POLR1C: variants seen among roughly 807,000 people sequenced by gnomAD.
POLR1C encodes RNA polymerase I and III subunit C, also known as DNA-directed RNA polymerases I and III subunit RPAC1.
A neutral mutation model predicts 38.3 loss-of-function variants in POLR1C; 42 were observed. The ratio of observed to expected loss-of-function variants is 1.10; its 90% CI spans 0.86 to 1.42. The LOEUF is 1.42. Ranked by LOEUF, POLR1C falls within the 40% of genes most tolerant of loss-of-function variation. POLR1C has a pLI of 0.00. For synonymous variants in POLR1C, 163 were observed against 163.9 expected, an observed-to-expected ratio of 0.99 and a Z score of 0.04; for missense variants, 507 against 450.5, an observed-to-expected ratio of 1.13 and a Z score of -1.14.
chr6:43,519,645 C>A, intron 3 of POLR1C, 61 bp from the exon 4 acceptor site: 1 of 1,612,326 alleles, frequency 6.2e-7, no homozygotes. Context: ...GTTGGGGTTA[C>A]GGGGATAGGT....
intron 10 of POLR1C, chr6:43,554,989 T>C (rs998878447): frequency 6.7e-6 from 1 of 149,860 alleles, no homozygotes; most frequent in Non-Finnish European, 1.5e-5. Context: ...TTGCCCAGGC[T>C]GGAGTACAAT....
At chr6:43,521,557 CTG>C (rs1433620512), downstream of POLR1C, 1 of 977,596 alleles carries the variant, frequency 1.0e-6, no homozygotes, top group Non-Finnish European at 1.3e-6. Flanking sequence ...GACAGTCTCA[CTG>C]TGTTGCCCAG....
At chr6:43,547,533 G>T in intron 9 of POLR1C, 1 of 1,396,484 alleles carries the variant, frequency 7.2e-7, no homozygotes, top group South Asian at 1.2e-5. Context: ...ACAAATCTAT[G>T]AGAAACTTGA....
At chr6:43,521,160 A>T in intron 8 of POLR1C, 22 bp from the exon 9 acceptor site, 1 of 1,613,172 alleles carries the variant, frequency 6.2e-7, no homozygotes, top group Non-Finnish European at 8.5e-7. Flanking sequence ...TGCCTAGACT[A>T]AAGTGTCTCT....
chr6:43,535,731 G>A lies in POLR1C; in HGVS notation c.*4+6372G>A, dbSNP rs189930727. 9.8e-3 allele frequency among the ~76,000 whole-genome samples: 1,470 copies of A among 150,676 alleles called. 8 individuals are homozygous for A. The highest frequency in any genetic ancestry group is 0.015 in the Admixed American group (234 of 15,102). On this transcript the variant is annotated intron_variant, in intron 9 of 10. Transcript: ENST00000607635. Reference sequence around the variant, plus strand: ...CGGAAGGCTGAGGTGGGAGAATGGCGTGAACCCGGGAGGCGGAGCTTGCAA... The same window carrying A: ...CGGAAGGCTGAGGTGGGAGAATGGCATGAACCCGGGAGGCGGAGCTTGCAA...
chr6:43,539,572 C>T lies in POLR1C; in HGVS notation c.*4+10213C>T, dbSNP rs913073107. 5.2e-6 allele frequency: 7 copies of T among 1,355,062 alleles called. No individual in the cohort carries two copies. The African/African-American group carries it at 9.9e-5, about 19-fold the overall frequency. 83.9% of individuals were successfully genotyped at this position (1,355,062 alleles called of 1,614,324 possible). On this transcript the variant is annotated intron_variant, in intron 9 of 10. Transcript: ENST00000607635. ...CTCCGCGAGCTCCGCGGCCTCAGCC[C>T]CGGCCCGGTCCACGGCTGCGACCCC...
At chr6:43,538,755 G>T in intron 9 of POLR1C, 1 of 578,542 alleles carries the variant, frequency 1.7e-6, no homozygotes, top group Non-Finnish European at 2.9e-6. Flanking sequence ...AATGAGTTAT[G>T]GAGCACTACA....
At chr6:43,542,545 G>C (rs535799599) in intron 9 of POLR1C, among the ~76,000 whole-genome samples, 56 of 152,180 alleles carry the variant, frequency 3.7e-4, no homozygotes, top group African/African-American at 1.1e-3. Flanking sequence ...GAGTAGCTGG[G>C]ATTACAGGCA....
chr6:43,544,875 T>G (rs1794887981), intron 9 of POLR1C, among the ~76,000 whole-genome samples: 2 of 152,116 alleles, frequency 1.3e-5, no homozygotes, highest in Admixed American at 1.3e-4. Flanking sequence ...TATTATTTAT[T>G]TATTTATTTA....
rs972601479 is a variant in POLR1C at position 43,527,556 on chromosome 6, C to A, written c.923-1693C>A. The stretch of plus-strand genomic sequence containing the variant: ...ACATGAATCCTTTGCATTAGTCAGG[C>A]CTTCATGGAGTTGGCTGAGCGACCA... On this transcript the variant is annotated intron_variant, in intron 8 of 8. Transcript: ENST00000304004. The A allele has an allele frequency of 9.1e-6, 13 of 1,421,678 alleles. 1 individual carries two copies. The South Asian group carries it at 1.1e-4, about 12-fold the overall frequency. The allele number at this position is 1,421,678 out of a possible 1,614,324, so 88.1% of individuals were successfully genotyped here.
intron 9 of POLR1C, chr6:43,539,628 G>A (rs1313706916): frequency 1.9e-5 from 25 of 1,345,836 alleles, no homozygotes; most frequent in East Asian, 4.9e-5. Flanking sequence ...AAACCTCTGC[G>A]GAAGCCACCG....
At chr6:43,551,167 G>A (rs1225036779) in intron 10 of POLR1C, 6 of 917,818 alleles carry the variant, frequency 6.5e-6, no homozygotes, top group African/African-American at 1.7e-5. Context: ...GAGGTGTGAG[G>A]ATCCCTTGAG....
At chr6:43,530,676 T>C (rs754325126), downstream of POLR1C, 3 of 1,611,412 alleles carry the variant, frequency 1.9e-6, no homozygotes, top group Admixed American at 5.1e-5. Flanking sequence ...GTAGAGACTT[T>C]TGAAAGGATA....
chr6:43,536,050 G>A (rs1244812191), intron 9 of POLR1C, among the ~76,000 whole-genome samples: 1 of 147,580 alleles, frequency 6.8e-6, no homozygotes, highest in Non-Finnish European at 1.5e-5. Flanking sequence ...TTGAATCCAG[G>A]TGAGCCAAGA....
chr6:43,535,305 T>C (rs888520967), intron 9 of POLR1C, among the ~76,000 whole-genome samples: 2 of 149,956 alleles, frequency 1.3e-5, no homozygotes, highest in Non-Finnish European at 3.0e-5. Context: ...GAAGTGTTTC[T>C]ATGGCTGGGC....
chr6:43,545,490 T>C (rs113512428), intron 9 of POLR1C, among the ~76,000 whole-genome samples: 1 of 151,984 alleles, frequency 6.6e-6, no homozygotes, highest in African/African-American at 2.4e-5. Context: ...ACTGATCACT[T>C]GCGGCCAGGA....
chr6:43,517,554 C>T (rs1170714861), intron 2 of POLR1C, among the ~76,000 whole-genome samples, 177 bp downstream of exon 2: 3 of 151,910 alleles, frequency 2.0e-5, no homozygotes, highest in Non-Finnish European at 2.9e-5. Flanking sequence ...CCCAGTTCTG[C>T]AAAGATGTTC....
chr6:43,525,188 T>G (rs1000553470), downstream of POLR1C: 43 of 1,581,846 alleles, frequency 2.7e-5, no homozygotes, highest in Admixed American at 6.0e-4. Context: ...AATTGAAGGC[T>G]GTAATTAATA....
downstream of POLR1C, chr6:43,526,341 G>A: frequency 5.0e-6 from 2 of 398,404 alleles, no homozygotes; most frequent in Middle Eastern, 7.2e-4. Context: ...AGTGACAACT[G>A]CTATGAAGAA....
Sources: allele counts gnomAD v4.1 joint callset (sites outside exome capture counted in the v4.1 genomes callset), GRCh38; gene constraint gnomAD v4.1.1; transcripts MANE v1.5; gene names NCBI Gene and HGNC (gene_info 2026-07-23, HGNC 2026-07-21).